RPS6KC1: variants seen among roughly 807,000 people sequenced by gnomAD.
RPS6KC1 encodes the protein inactive ribosomal protein S6 kinase delta-1.
In RPS6KC1, 54 loss-of-function variants were observed where a neutral mutation model predicts 103.8. The observed-to-expected ratio is 0.52, with a 90% CI of 0.42 to 0.65. The LOEUF (loss-of-function observed/expected upper bound fraction) is 0.65. Ranked by LOEUF, RPS6KC1 falls within the 30% of genes least tolerant of loss-of-function variation. The pLI, the probability that RPS6KC1 is intolerant of heterozygous loss-of-function variation, is 0.00. For synonymous variants in RPS6KC1, 439 were observed against 438.7 expected (o/e 1.00, Z -0.01); for missense variants, 1,151 against 1,253.8 (o/e 0.92, Z 1.24).
the RPS6KC1 span, among the ~76,000 whole-genome samples, chr1:213,657,747 C>T: frequency 6.6e-6 from 1 of 152,168 alleles, no homozygotes; most frequent in Admixed American, 6.5e-5. Flanking sequence ...GTGGTTGGTG[C>T]TATTTTTTGC....
At chr1:213,195,857 C>T (rs900613565) in intron 8 of RPS6KC1, among the ~76,000 whole-genome samples, 10 of 146,636 alleles carry the variant, frequency 6.8e-5, no homozygotes, top group African/African-American at 2.1e-4. Context: ...TATATATATA[C>T]CATATTTTCT....
intron 7 of RPS6KC1, among the ~76,000 whole-genome samples, chr1:213,172,779 G>T (rs1317588489): frequency 2.6e-5 from 4 of 152,190 alleles, no homozygotes; most frequent in Non-Finnish European, 4.4e-5. Context: ...AGATTGTTGG[G>T]TCATCATGTA....
intron 13 of RPS6KC1, 128 bp downstream of exon 13, chr1:213,261,768 A>G: frequency 2.7e-6 from 2 of 731,248 alleles, no homozygotes; most frequent in Non-Finnish European, 4.5e-6. Flanking sequence ...TATCGAAAGC[A>G]AGTAGAGAAA....
At chr1:213,500,515 A>C in the RPS6KC1 span, among the ~76,000 whole-genome samples, 2 of 152,328 alleles carry the variant, frequency 1.3e-5, no homozygotes, top group African/African-American at 4.8e-5. Context: ...CAAGTAACAT[A>C]GTTGTTTATT....
chr1:213,461,378 A>G, the RPS6KC1 span, among the ~76,000 whole-genome samples: 10 of 152,214 alleles, frequency 6.6e-5, no homozygotes, highest in Non-Finnish European at 1.3e-4. Flanking sequence ...TATAGATTCA[A>G]TGCCATCTCC....
chr1:213,097,017 C>A (rs1003229622), intron 3 of RPS6KC1, among the ~76,000 whole-genome samples: 2 of 152,128 alleles, frequency 1.3e-5, no homozygotes, highest in Non-Finnish European at 2.9e-5. Flanking sequence ...TTGTACATCT[C>A]CACCAGAGCT....
chr1:213,347,817 G>A, the RPS6KC1 span, among the ~76,000 whole-genome samples: 9 of 152,158 alleles, frequency 5.9e-5, no homozygotes, highest in Admixed American at 1.3e-4. Flanking sequence ...GGTGGGAAAT[G>A]GGAAAGATAA....
the RPS6KC1 span, among the ~76,000 whole-genome samples, chr1:213,623,003 G>A: frequency 6.6e-6 from 1 of 152,094 alleles, no homozygotes; most frequent in Admixed American, 6.5e-5. Context: ...GCCCGTCCTA[G>A]AGGCAGTCCA....
At chr1:213,071,640 C>T (rs2078895424) in intron 2 of RPS6KC1, among the ~76,000 whole-genome samples, 1 of 152,054 alleles carries the variant, frequency 6.6e-6, no homozygotes, top group African/African-American at 2.4e-5. Context: ...ACTTAAGGGC[C>T]CCTATTTACC....
chr1:213,680,361 C>G, the RPS6KC1 span, among the ~76,000 whole-genome samples: 1 of 152,138 alleles, frequency 6.6e-6, no homozygotes, highest in Non-Finnish European at 1.5e-5. Context: ...CTTCTGAGTC[C>G]CAGCCCGGCT....
chr1:213,129,735 T>C lies in RPS6KC1; in HGVS notation c.681T>C (p.Pro227=), dbSNP rs751322713. 6.2e-7 allele frequency: 1 copy of C among 1,614,086 alleles called. No homozygotes were observed. The highest frequency in any genetic ancestry group is 8.5e-7 in the Non-Finnish European group (1 of 1,179,980). The part of the protein sequence containing the change: ...EEERESRSLF[P]GSLKPKLGKR... ...AACGGGAAAGTCGTAGCCTCTTTCC[T>C]GGCAGTTTAAAGCCGAAGCTTGGCA... The change falls in exon 6 of 15, where the codon CCT becomes CCC. Residue 227 remains proline, a synonymous_variant. Transcript: ENST00000366960.
intron 1 of RPS6KC1, among the ~76,000 whole-genome samples, chr1:213,063,035 G>A (rs575033974): frequency 6.6e-6 from 1 of 152,282 alleles, no homozygotes; most frequent in Admixed American, 6.5e-5. Flanking sequence ...ATAGGCAAGG[G>A]GGCTGACTTT....
the RPS6KC1 span, among the ~76,000 whole-genome samples, chr1:213,480,170 A>G: frequency 2.0e-5 from 3 of 152,066 alleles, no homozygotes; most frequent in Admixed American, 1.3e-4. Context: ...TTGGAATTAC[A>G]TTGAATTTAA....
chr1:213,510,610 G>T, the RPS6KC1 span, among the ~76,000 whole-genome samples: 6 of 152,124 alleles, frequency 3.9e-5, no homozygotes, highest in Non-Finnish European at 7.4e-5. Flanking sequence ...TCTTTAATGG[G>T]GTTTAGTGGC....
chr1:213,368,773 A>G, the RPS6KC1 span, among the ~76,000 whole-genome samples: 3 of 152,188 alleles, frequency 2.0e-5, no homozygotes. Context: ...CAGTCTGCGG[A>G]CAGATATGGA....
At chr1:213,239,808 T>C (rs1020166415) in intron 10 of RPS6KC1, among the ~76,000 whole-genome samples, 1 of 152,210 alleles carries the variant, frequency 6.6e-6, no homozygotes, top group Non-Finnish European at 1.5e-5. Flanking sequence ...TTCTTTCTTA[T>C]AATACTGTTT....
At chr1:213,677,439 T>A in the RPS6KC1 span, among the ~76,000 whole-genome samples, 18 of 152,196 alleles carry the variant, frequency 1.2e-4, 1 homozygote, top group Admixed American at 1.2e-3. Flanking sequence ...TCTCTTCAGC[T>A]TCTCAAATGG....
chr1:213,231,715 C>T (rs1432818930), intron 9 of RPS6KC1, among the ~76,000 whole-genome samples: 2 of 152,120 alleles, frequency 1.3e-5, no homozygotes, highest in Non-Finnish European at 2.9e-5. Flanking sequence ...TTAAAATTGC[C>T]TGCTTAATCT....
chr1:213,575,728 G>A, the RPS6KC1 span, among the ~76,000 whole-genome samples: 12 of 152,086 alleles, frequency 7.9e-5, no homozygotes, highest in Admixed American at 5.9e-4. Context: ...GTCATACACC[G>A]GGAAATGACA....
Sources: gnomAD v4.1 joint callset for allele counts (sites outside exome capture counted in the v4.1 genomes callset) on GRCh38, gnomAD v4.1.1 for gene constraint, MANE v1.5 for transcripts, NCBI Gene and HGNC (gene_info 2026-07-23, HGNC 2026-07-21) for gene names.